Variants in CACNA1D observed in about 807,000 individuals in gnomAD.
The protein encoded by CACNA1D is calcium voltage-gated channel subunit alpha1 D, also known as voltage-dependent L-type calcium channel subunit alpha-1D.
A neutral mutation model predicts 257.1 loss-of-function variants in CACNA1D; 55 were observed. The ratio of observed to expected loss-of-function variants is 0.21; its 90% CI spans 0.17 to 0.27. CACNA1D has a LOEUF of 0.27. CACNA1D is among the 10% of genes least tolerant of loss of function. CACNA1D has a pLI of 1.00. For missense variants in CACNA1D, 1,876 were observed against 2,784.0 expected (o/e 0.67, Z 7.34); for synonymous variants, 980 against 1,014.9 (o/e 0.97, Z 0.65).
At chr3:53,805,760 T>TCCC (rs1306377595) in intron 45 of CACNA1D, among the ~76,000 whole-genome samples, 1 of 126,856 alleles carries the variant, frequency 7.9e-6, no homozygotes, top group Non-Finnish European at 1.6e-5. Context: ...TCCCTCCTCC[T>TCCC]CCCTCATCTT....
chr3:53,649,225 C>T (rs1019644114), intron 3 of CACNA1D, among the ~76,000 whole-genome samples: 1 of 152,132 alleles, frequency 6.6e-6, no homozygotes, highest in African/African-American at 2.4e-5. Context: ...GTGACGGTTC[C>T]TCAAAGGGTC....
At chr3:53,785,442 A>G (rs1195556532) in intron 39 of CACNA1D, 1 of 152,214 alleles carries the variant, frequency 6.6e-6, no homozygotes, top group Non-Finnish European at 1.5e-5. Flanking sequence ...AGGCAGCCCA[A>G]GGAGGCCCGG....
intron 7 of CACNA1D, 48 bp from the exon 8 acceptor site, chr3:53,672,975 A>T: frequency 1.7e-6 from 2 of 1,197,838 alleles, no homozygotes; most frequent in Non-Finnish European, 2.4e-6. Context: ...TCTCCTTATT[A>T]AATCCTCTTA....
chr3:53,518,929 C>T (rs559025752), intron 3 of CACNA1D, among the ~76,000 whole-genome samples: 118 of 152,324 alleles, frequency 7.7e-4, no homozygotes, highest in African/African-American at 2.4e-3. Context: ...TTTACCACTT[C>T]GCAGTCACGC....
At chr3:53,777,656 C>G (rs535351878) in intron 37 of CACNA1D, among the ~76,000 whole-genome samples, 7 of 152,294 alleles carry the variant, frequency 4.6e-5, no homozygotes, top group Admixed American at 3.3e-4. Context: ...CCACACGTCC[C>G]CTCTGCTACA....
chr3:53,599,580 T>C (rs955750280), intron 3 of CACNA1D, among the ~76,000 whole-genome samples: 1 of 152,202 alleles, frequency 6.6e-6, no homozygotes, highest in African/African-American at 2.4e-5. Context: ...TGTGAGACCC[T>C]GACAATTTAC....
In CACNA1D at chr3:53,805,026, G is replaced by A. The variant is rs547120247; in HGVS notation, c.5629G>A (p.Asp1877Asn). Residue 1877 changes from aspartate (D) to asparagine (N), a missense_variant, in exon 45 of 48, where the codon GAC becomes AAC. Coordinates refer to ENST00000350061, the MANE Select transcript of CACNA1D (RefSeq NM_001128840.3). ...CAGCAGATACCCAGGCAGAAACATC[G>A]ACTCTGAGAGGCCCCGAGGCTACCA... ...YYSRYPGRNI[D>N]SERPRGYHHP... 3.1e-6 allele frequency: 5 copies of A among 1,614,106 alleles called. No individual in the cohort carries two copies. The South Asian group carries it at 5.5e-5, about 18-fold the overall frequency.
chr3:53,675,366 G>A (rs903257014), intron 8 of CACNA1D, among the ~76,000 whole-genome samples: 1 of 152,200 alleles, frequency 6.6e-6, no homozygotes, highest in African/African-American at 2.4e-5. Flanking sequence ...AAATAACATC[G>A]CATTTGATTT....
chr3:53,673,083 G>T lies in CACNA1D; in HGVS notation c.1177G>T (p.Gly393Trp). The T allele has an allele frequency of 1.3e-6, 2 of 1,552,230 alleles. No individual in the cohort carries two copies. The highest frequency in any genetic ancestry group is 2.4e-5 in the East Asian group (1 of 41,022). ...GTATTTTGTCAGTCTCGTCATCTTT[G>T]GGTCATTTTTCGTACTAAATCTTGT... ...WVYFVSLVIF[G>W]SFFVLNLVLG... Residue 393 changes from glycine to tryptophan, a missense_variant, in exon 8 of 48, where the codon GGG becomes TGG. Physicochemically the swap from Gly to Trp is radical, Grantham distance 184. Transcript: ENST00000350061. The surrounding 1 kb of genome is among the most constrained non-coding windows in gnomAD (Gnocchi z 4.1).
At chr3:53,627,822 G>T (rs2093777274) in intron 3 of CACNA1D, among the ~76,000 whole-genome samples, 1 of 152,022 alleles carries the variant, frequency 6.6e-6, no homozygotes, top group Non-Finnish European at 1.5e-5. Context: ...AGACCAGCCT[G>T]GCCAACATGG....
At chr3:53,505,842 T>G (rs1278920429) in intron 3 of CACNA1D, among the ~76,000 whole-genome samples, 1 of 152,240 alleles carries the variant, frequency 6.6e-6, no homozygotes, top group Admixed American at 6.5e-5. Context: ...GAAGCAGTGC[T>G]GGGCTGTGGA....
intron 38 of CACNA1D, among the ~76,000 whole-genome samples, 163 bp from the exon 39 acceptor site, chr3:53,781,403 G>T (rs1036402160): frequency 3.9e-5 from 6 of 152,184 alleles, no homozygotes; most frequent in African/African-American, 1.4e-4. Context: ...GCTGAATATA[G>T]GAAGTGTGTT....
chr3:53,641,637 G>C (rs1163833264), intron 3 of CACNA1D, among the ~76,000 whole-genome samples: 1 of 152,178 alleles, frequency 6.6e-6, no homozygotes, highest in Non-Finnish European at 1.5e-5. Flanking sequence ...AGGGAGCTCA[G>C]AGTCCATGTC....
chr3:53,683,770 G>T (rs1256000559), intron 8 of CACNA1D, among the ~76,000 whole-genome samples: 1 of 152,182 alleles, frequency 6.6e-6, no homozygotes, highest in African/African-American at 2.4e-5. Context: ...TGCAGAAAAA[G>T]TTGATGAGGG....
chr3:53,702,902 G>A (rs900504915), intron 9 of CACNA1D, 92 bp downstream of exon 9: 3 of 1,393,586 alleles, frequency 2.2e-6, no homozygotes, highest in African/African-American at 1.4e-5. Context: ...GACCCAGGCT[G>A]TGAGTGGGAC....
chr3:53,732,489 G>A (rs909091590), intron 18 of CACNA1D, among the ~76,000 whole-genome samples: 1 of 152,204 alleles, frequency 6.6e-6, no homozygotes. Flanking sequence ...GAGCGAGGAG[G>A]TTACTGGGGA....
At chr3:53,518,846 C>G (rs1168020629) in intron 3 of CACNA1D, among the ~76,000 whole-genome samples, 1 of 152,146 alleles carries the variant, frequency 6.6e-6, no homozygotes, top group African/African-American at 2.4e-5. Context: ...AATTACGTGT[C>G]CAGCTTCCCA....
chr3:53,506,044 A>G (rs997098797), intron 3 of CACNA1D, among the ~76,000 whole-genome samples: 2 of 152,230 alleles, frequency 1.3e-5, no homozygotes, highest in African/African-American at 2.4e-5. Flanking sequence ...TGTGAACCAT[A>G]ATACCTGAAA....
chr3:53,712,751 T>C (rs1360047558), intron 9 of CACNA1D, among the ~76,000 whole-genome samples: 1 of 152,144 alleles, frequency 6.6e-6, no homozygotes. Flanking sequence ...TTTAGGCTGC[T>C]TGGAGGTGGA....
Sources: allele counts gnomAD v4.1 joint callset (sites outside exome capture counted in the v4.1 genomes callset), GRCh38; gene constraint gnomAD v4.1.1; non-coding constraint Gnocchi (gnomAD v3.1); transcripts MANE v1.5; gene names NCBI Gene and HGNC (gene_info 2026-07-23, HGNC 2026-07-21).